The following MIPEP variants were observed in gnomAD, a reference collection of about 807,000 sequenced individuals.
MIPEP encodes the protein mitochondrial intermediate peptidase.
In MIPEP, 79 loss-of-function variants were observed where a neutral mutation model predicts 90.3. The observed-to-expected ratio is 0.87, with a 90% CI of 0.73 to 1.05. The LOEUF (loss-of-function observed/expected upper bound fraction) is 1.05, where lower values mean the gene tolerates loss of function less well. Among genes scored for constraint, MIPEP ranks in the 50% least tolerant of loss-of-function variants. The probability of loss-of-function intolerance (pLI) is 0.00; values close to 1 mark genes in which losing one functional copy is unlikely to be tolerated. For synonymous variants in MIPEP, 334 were observed against 315.8 expected (o/e 1.06, Z -0.61); for missense variants, 940 against 905.6 (o/e 1.04, Z -0.49).
chr13:23,886,951 T>C (rs1871512196), intron 1 of MIPEP, among the ~76,000 whole-genome samples: 1 of 152,146 alleles, frequency 6.6e-6, no homozygotes. Flanking sequence ...AGAAATATTT[T>C]TTTCATCATG....
chr13:23,839,574 T>C, intron 12 of MIPEP, 75 bp downstream of exon 12: 1 of 924,960 alleles, frequency 1.1e-6, no homozygotes, highest in Non-Finnish European at 1.6e-6. Context: ...ATTTAAAAAA[T>C]GATACAAAGT....
intron 14 of MIPEP, among the ~76,000 whole-genome samples, chr13:23,823,494 GC>G (rs1249482957): frequency 1.3e-5 from 2 of 152,266 alleles, no homozygotes; most frequent in East Asian, 3.9e-4. Flanking sequence ...CGTTATGACT[GC>G]CATCTTGGTG....
rs1952468678 is a variant in MIPEP, at chr13:23,754,158, C to T, written c.2044+2387G>A. Among the ~76,000 whole-genome samples the T allele has an allele frequency of 4.6e-5, 7 of 152,132 alleles. No homozygotes were observed. The South Asian group carries it at 1.5e-3, about 32-fold the overall frequency. On this transcript the variant is annotated intron_variant, in intron 18 of 18. Coordinates refer to ENST00000382172, the MANE Select transcript of MIPEP (RefSeq NM_005932.4). ...TTTACATTACAAATCTCAGTAATTTCACCCATCACTCCTGGTAATACCCCA... is the reference window on the plus strand; with the variant it reads ...TTTACATTACAAATCTCAGTAATTTTACCCATCACTCCTGGTAATACCCCA...
chr13:23,800,931 G>A (rs1016884778), intron 16 of MIPEP, among the ~76,000 whole-genome samples: 15 of 152,186 alleles, frequency 9.9e-5, no homozygotes, highest in African/African-American at 2.9e-4. Flanking sequence ...TAACTAGTGC[G>A]ACACTTTATT....
intron 3 of MIPEP, among the ~76,000 whole-genome samples, chr13:23,881,001 T>C (rs1336336371): frequency 6.6e-6 from 1 of 152,236 alleles, no homozygotes; most frequent in Non-Finnish European, 1.5e-5. Context: ...CTAAGTGTGT[T>C]GGAATACAGC....
At chr13:23,739,428 A>C (rs185989497) in intron 18 of MIPEP, among the ~76,000 whole-genome samples, 8 of 152,342 alleles carry the variant, frequency 5.3e-5, no homozygotes, top group African/African-American at 1.9e-4. Context: ...GTGTTGATCA[A>C]TTATTATGAG....
intron 18 of MIPEP, among the ~76,000 whole-genome samples, chr13:23,746,296 G>A (rs934842504): frequency 2.0e-5 from 3 of 151,788 alleles, no homozygotes; most frequent in East Asian, 4.0e-4. Flanking sequence ...TTATAGGCAT[G>A]AGCCATGGCA....
intron 10 of MIPEP, among the ~76,000 whole-genome samples, chr13:23,854,944 A>T (rs1429323956): frequency 1.3e-5 from 2 of 152,116 alleles, no homozygotes; most frequent in African/African-American, 4.8e-5. Flanking sequence ...AATAGCACCA[A>T]AATAAATGAA....
intron 16 of MIPEP, among the ~76,000 whole-genome samples, chr13:23,770,908 G>A (rs1044420108): frequency 2.0e-5 from 3 of 152,166 alleles, no homozygotes; most frequent in African/African-American, 4.8e-5. Flanking sequence ...TGTCTTGTGC[G>A]TGCTCACCAC....
intron 18 of MIPEP, among the ~76,000 whole-genome samples, chr13:23,732,371 G>C (rs949739333): frequency 1.3e-5 from 2 of 152,048 alleles, no homozygotes; most frequent in African/African-American, 2.4e-5. Context: ...TTTGAAAAAA[G>C]GTCTTAACCA....
At chr13:23,741,512 T>C (rs1298388359) in intron 18 of MIPEP, among the ~76,000 whole-genome samples, 1 of 152,152 alleles carries the variant, frequency 6.6e-6, no homozygotes, top group Non-Finnish European at 1.5e-5. Flanking sequence ...AGATCACATC[T>C]TTTGCAGAAA....
At chr13:23,788,036 G>A (rs2312566) in intron 16 of MIPEP, among the ~76,000 whole-genome samples, 31,790 of 152,076 alleles carry the variant, frequency 0.21, 3,950 homozygotes, top group East Asian at 0.43. Context: ...GTGTGCATAT[G>A]TTTGTGTGTT....
Position 23,847,935 on chromosome 13 carries a change from T to G in MIPEP, c.1107-6447A>C, listed in dbSNP as rs115611004. On this transcript the variant is annotated intron_variant, in intron 10 of 18. Transcript: ENST00000382172. ...AAGAATCTCCTTATTCCTTACATGA[T>G]TCTGTGAGACAGGTGGAGCAAGAAT... 6.5e-3 allele frequency among the ~76,000 whole-genome samples: 989 copies of G among 152,332 alleles called. 15 individuals carry two copies. The highest frequency in any genetic ancestry group is 0.021 in the African/African-American group (886 of 41,572).
At chr13:23,872,375 C>T (rs1206451995) in intron 5 of MIPEP, among the ~76,000 whole-genome samples, 1 of 152,188 alleles carries the variant, frequency 6.6e-6, no homozygotes, top group Non-Finnish European at 1.5e-5. Context: ...GCAGAAGAAT[C>T]GCTTGAACCC....
chr13:23,746,318 C>A (rs1374703291), intron 18 of MIPEP, among the ~76,000 whole-genome samples: 1 of 151,712 alleles, frequency 6.6e-6, no homozygotes, highest in Non-Finnish European at 1.5e-5. Flanking sequence ...CAGGCCAGAA[C>A]AGTTTTAACC....
At chr13:23,813,487 CAA>C (rs1397752381) in intron 14 of MIPEP, among the ~76,000 whole-genome samples, 2 of 152,140 alleles carry the variant, frequency 1.3e-5, no homozygotes, top group East Asian at 3.9e-4. Flanking sequence ...AAAATAATGA[CAA>C]GAAAAAAAGT....
In MIPEP at chr13:23,780,545, G is replaced by A. The variant is rs11619383; in HGVS notation, c.1849-20328C>T. ...AGCTGAAAATTCTAAAAATCAGAGC[G>A]CCTCTCCCCCTCCAAAGGAACACAG... On this transcript the variant is annotated intron_variant, in intron 16 of 18. Coordinates refer to ENST00000382172, the MANE Select transcript of MIPEP (RefSeq NM_005932.4). Among the ~76,000 whole-genome samples the A allele has an allele frequency of 6.2e-3, 940 of 152,254 alleles. 5 individuals carry two copies. Among genetic ancestry groups the A allele is most frequent in the Middle Eastern group, 0.037 (11 of 294 alleles).
At chr13:23,789,182 G>A (rs1026194475) in intron 16 of MIPEP, among the ~76,000 whole-genome samples, 5 of 137,904 alleles carry the variant, frequency 3.6e-5, no homozygotes, top group East Asian at 2.2e-4. Flanking sequence ...GCAGCAAAAC[G>A]TAAACCATAT....
intron 2 of MIPEP, among the ~76,000 whole-genome samples, chr13:23,883,047 T>C (rs1871330577): frequency 6.6e-6 from 1 of 152,140 alleles, no homozygotes; most frequent in South Asian, 2.1e-4. Context: ...TATAAAACGA[T>C]TGCCTTATAA....
Sources: gnomAD v4.1 joint callset for allele counts (sites outside exome capture counted in the v4.1 genomes callset) on GRCh38, gnomAD v4.1.1 for gene constraint, MANE v1.5 for transcripts, NCBI Gene and HGNC (gene_info 2026-07-23, HGNC 2026-07-21) for gene names.